NRG1: variants seen among roughly 807,000 people sequenced by gnomAD.
NRG1 encodes neuregulin 1.
Under a neutral mutation model 63.8 loss-of-function variants are expected in NRG1, and 18 were observed. The ratio of observed to expected loss-of-function variants is 0.28; its 90% CI spans 0.19 to 0.42. The LOEUF is 0.42. NRG1 is among the 10% of genes least tolerant of loss of function. The pLI, the probability that NRG1 is intolerant of heterozygous loss-of-function variation, is 1.00. For missense variants in NRG1, 762 were observed against 814.7 expected (o/e 0.94, Z 0.79); for synonymous variants, 302 against 301.3 (o/e 1.00, Z -0.02).
intron 7 of NRG1, among the ~76,000 whole-genome samples, chr8:32,748,152 T>TAA (rs1293125743): frequency 6.6e-6 from 1 of 152,080 alleles, no homozygotes; most frequent in African/African-American, 2.4e-5. Context: ...CAAGTTTTTG[T>TAA]AAGAGAAACA....
chr8:32,451,983 G>A (rs756649759), intron 1 of NRG1, among the ~76,000 whole-genome samples: 6 of 152,036 alleles, frequency 3.9e-5, no homozygotes, highest in Non-Finnish European at 5.9e-5. Flanking sequence ...GTGCTACCAC[G>A]CCCCACTACT....
At chr8:31,869,814 A>G (rs1829322055) in intron 1 of NRG1, among the ~76,000 whole-genome samples, 1 of 152,228 alleles carries the variant, frequency 6.6e-6, no homozygotes, top group Non-Finnish European at 1.5e-5. Flanking sequence ...TTGAAATCTA[A>G]ATGCCTTTCA....
chr8:32,567,078 A>C (rs1588362280), intron 1 of NRG1, among the ~76,000 whole-genome samples: 1 of 152,128 alleles, frequency 6.6e-6, no homozygotes, highest in Admixed American at 6.6e-5. Flanking sequence ...CCTGGCCTCA[A>C]GTGCCCACCT....
At chr8:32,293,813 G>A (rs117647062) in intron 1 of NRG1, among the ~76,000 whole-genome samples, 8,127 of 144,682 alleles carry the variant, frequency 0.056, 269 homozygotes, top group South Asian at 0.072. Context: ...TCTGCTTCCC[G>A]GGTTCAAGCA....
intron 1 of NRG1, among the ~76,000 whole-genome samples, chr8:32,265,942 A>C (rs1850887610): frequency 6.6e-6 from 1 of 152,216 alleles, no homozygotes; most frequent in Non-Finnish European, 1.5e-5. Flanking sequence ...ATGATTTAAA[A>C]TATAGGAAAG....
intron 1 of NRG1, among the ~76,000 whole-genome samples, chr8:32,549,407 C>T (rs1666323053): frequency 6.6e-6 from 1 of 152,190 alleles, no homozygotes; most frequent in African/African-American, 2.4e-5. Flanking sequence ...CAGTCCTGTG[C>T]TACGGAGACT....
intron 5 of NRG1, among the ~76,000 whole-genome samples, chr8:32,726,378 G>A (rs891572335): frequency 1.3e-5 from 2 of 151,794 alleles, no homozygotes; most frequent in Middle Eastern, 3.2e-3. Context: ...ACAGAATTCT[G>A]TAAGAGTGCC....
At chr8:31,656,789 C>CACTG (rs1805474688) in intron 1 of NRG1, among the ~76,000 whole-genome samples, 1 of 152,182 alleles carries the variant, frequency 6.6e-6, no homozygotes, top group Non-Finnish European at 1.5e-5. Flanking sequence ...TTTCTTGGCA[C>CACTG]ACTGACTTGA....
At chr8:31,750,624 C>G (rs1816358595) in intron 1 of NRG1, among the ~76,000 whole-genome samples, 1 of 151,924 alleles carries the variant, frequency 6.6e-6, no homozygotes, top group Admixed American at 6.6e-5. Context: ...ACTGACAGTT[C>G]TGTTTTTTTA....
At chr8:32,411,682 C>A (rs978927865) in intron 1 of NRG1, among the ~76,000 whole-genome samples, 2 of 152,052 alleles carry the variant, frequency 1.3e-5, no homozygotes, top group African/African-American at 4.8e-5. Context: ...CTGGATAAAT[C>A]CATTGTAAGT....
chr8:32,105,071 G>A (rs1474010101), intron 1 of NRG1, among the ~76,000 whole-genome samples: 1 of 152,130 alleles, frequency 6.6e-6, no homozygotes, highest in Non-Finnish European at 1.5e-5. Context: ...AAGTGGTAGT[G>A]CAGTAGGTAT....
At chr8:32,704,549 T>TAA (rs1463011142) in intron 5 of NRG1, among the ~76,000 whole-genome samples, 1 of 152,204 alleles carries the variant, frequency 6.6e-6, no homozygotes, top group East Asian at 1.9e-4. Context: ...AAGGCATAGT[T>TAA]AAAAATCTGT....
chr8:31,932,125 A>G (rs1450103571), intron 1 of NRG1, among the ~76,000 whole-genome samples: 9 of 144,908 alleles, frequency 6.2e-5, no homozygotes, highest in African/African-American at 1.3e-4. Context: ...ACTTTAAGGG[A>G]AGGTTTTTGG....
At chr8:32,044,913 C>CAAAAAAAAAAAAAAAAAAAAAAAAAAAAA in intron 1 of NRG1, among the ~76,000 whole-genome samples, 7 of 57,118 alleles carry the variant, frequency 1.2e-4, no homozygotes, top group East Asian at 3.6e-4. Context: ...TAAAGAAAAG[C>CAAAAAAAAAAAAAAAAAAAAAAAAAAAAA]AAAAAAAAAA....
At chr8:32,132,616 G>A (rs1363281246) in intron 1 of NRG1, among the ~76,000 whole-genome samples, 1 of 152,034 alleles carries the variant, frequency 6.6e-6, no homozygotes, top group East Asian at 1.9e-4. Flanking sequence ...CTCTGGCTAA[G>A]GGGTGTAAGA....
At chr8:32,682,899 A>G (rs1809064210) in intron 5 of NRG1, among the ~76,000 whole-genome samples, 1 of 152,174 alleles carries the variant, frequency 6.6e-6, no homozygotes, top group Admixed American at 6.5e-5. Flanking sequence ...TCCTAGATAA[A>G]CTTTGGAACC....
chr8:32,112,628 A>C (rs1303029658), intron 1 of NRG1, among the ~76,000 whole-genome samples: 3 of 152,164 alleles, frequency 2.0e-5, no homozygotes, highest in Admixed American at 6.5e-5. Flanking sequence ...ACTGCTCTTA[A>C]CAAGCCCCTA....
chr8:32,280,508 G>A (rs1852586911), intron 1 of NRG1, among the ~76,000 whole-genome samples: 1 of 152,028 alleles, frequency 6.6e-6, no homozygotes, highest in Admixed American at 6.6e-5. Context: ...TTTTATATGA[G>A]GTACCTAGAA....
At chr8:31,839,557 T>A (rs1825998825) in intron 1 of NRG1, among the ~76,000 whole-genome samples, 1 of 152,172 alleles carries the variant, frequency 6.6e-6, no homozygotes, top group African/African-American at 2.4e-5. Flanking sequence ...GTCAAGGGTA[T>A]CCTTTTTGTG....
Sources: gnomAD v4.1 joint callset for allele counts (sites outside exome capture counted in the v4.1 genomes callset) on GRCh38, gnomAD v4.1.1 for gene constraint, MANE v1.5 for transcripts, NCBI Gene and HGNC (gene_info 2026-07-23, HGNC 2026-07-21) for gene names.